NEIL3: variants seen among roughly 807,000 people sequenced by gnomAD.
The protein encoded by NEIL3 is endonuclease 8-like 3.
A neutral mutation model predicts 57.5 loss-of-function variants in NEIL3; 48 were observed. The observed-to-expected ratio is 0.83, with a 90% CI of 0.66 to 1.06. NEIL3 has a LOEUF of 1.06. Among genes scored for constraint, NEIL3 ranks in the 50% least tolerant of loss-of-function variants. NEIL3 has a pLI of 0.00. For synonymous variants in NEIL3, 261 were observed against 253.2 expected, an observed-to-expected ratio of 1.03 and a Z score of -0.29; for missense variants, 717 against 739.1, an observed-to-expected ratio of 0.97 and a Z score of 0.35.
intron 2 of NEIL3, among the ~76,000 whole-genome samples, chr4:177,330,021 C>T (rs542666811): frequency 1.8e-4 from 28 of 152,172 alleles, no homozygotes; most frequent in Non-Finnish European, 3.4e-4. Flanking sequence ...AAGTGATTCT[C>T]CTGCCTCAGC....
chr4:177,360,312 G>A (rs1365090512), intron 8 of NEIL3, among the ~76,000 whole-genome samples, 191 bp from the exon 9 acceptor site: 3 of 152,170 alleles, frequency 2.0e-5, no homozygotes, highest in Non-Finnish European at 4.4e-5. Context: ...GGTAACTTTG[G>A]AAATAAATTA....
chr4:177,370,961 C>T, the NEIL3 span, among the ~76,000 whole-genome samples: 4 of 151,678 alleles, frequency 2.6e-5, no homozygotes, highest in Non-Finnish European at 4.4e-5. Flanking sequence ...CCTCTGACTG[C>T]GAATAGAAAG....
At chr4:177,310,847 A>G (rs1734462685) in intron 1 of NEIL3, among the ~76,000 whole-genome samples, 1 of 152,218 alleles carries the variant, frequency 6.6e-6, no homozygotes, top group Non-Finnish European at 1.5e-5. Flanking sequence ...GCAATATTGC[A>G]CTGTATTTCA....
At position 177,336,147 on chromosome 4, in the gene NEIL3, A is replaced by T; in HGVS notation, c.453A>T (p.Lys151Asn). The T allele has an allele frequency of 6.2e-7, 1 of 1,613,780 alleles. No individual in the cohort carries two copies. The highest frequency in any genetic ancestry group is 2.2e-5 in the East Asian group (1 of 44,868). ...MESQQRIRMM[K>N]ELDVCSPEFS... is the part of the protein sequence containing the mutation. Reference sequence around the variant, plus strand: ...GCCAACAGAGAATAAGAATGATGAAAGAATTAGATGTATGTTCACCTGAAT... The same window carrying T: ...GCCAACAGAGAATAAGAATGATGAATGAATTAGATGTATGTTCACCTGAAT... Residue 151 changes from lysine to asparagine, a missense_variant, in exon 4 of 10, where the codon AAA becomes AAT. Coordinates refer to ENST00000264596, the MANE Select transcript of NEIL3 (RefSeq NM_018248.3).
intron 8 of NEIL3, among the ~76,000 whole-genome samples, chr4:177,355,449 T>C (rs2110935675): frequency 6.6e-6 from 1 of 152,330 alleles, no homozygotes; most frequent in South Asian, 2.1e-4. Flanking sequence ...CTGAATTCAA[T>C]ATAAAGGCTG....
chr4:177,342,419 A>G lies in NEIL3; in HGVS notation c.869+777A>G, dbSNP rs146013330. ...TGTGATTATAAGATTATGTAGTATA[A>G]AGCAGCTGCATAGCAGTATATGTGA... On this transcript the variant is annotated intron_variant, in intron 6 of 9. Coordinates refer to ENST00000264596, the MANE Select transcript of NEIL3 (RefSeq NM_018248.3). Among the ~76,000 whole-genome samples the G allele has an allele frequency of 2.4e-3, 363 of 152,344 alleles. 7 individuals carry two copies. In the South Asian group the frequency reaches 0.036, roughly 15 times the overall value.
intron 6 of NEIL3, among the ~76,000 whole-genome samples, chr4:177,348,599 G>C (rs1484007743): frequency 1.3e-5 from 2 of 152,086 alleles, no homozygotes; most frequent in Non-Finnish European, 2.9e-5. Context: ...ATGTGGTCGA[G>C]TTATGGCTCC....
intron 1 of NEIL3, among the ~76,000 whole-genome samples, chr4:177,316,857 T>C (rs550210726): frequency 6.6e-6 from 1 of 152,312 alleles, no homozygotes; most frequent in South Asian, 2.1e-4. Context: ...ATTTGGCAGG[T>C]AGAAAGCCTC....
chr4:177,314,585 G>T (rs775544113), intron 1 of NEIL3, among the ~76,000 whole-genome samples: 2 of 152,116 alleles, frequency 1.3e-5, no homozygotes, highest in Non-Finnish European at 1.5e-5. Context: ...TTTATGAAGG[G>T]TTTGTAATCA....
chr4:177,336,127 C>G lies in NEIL3; in HGVS notation c.433C>G (p.Gln145Glu). 7 of 1,611,562 alleles carry G rather than the reference C, an allele frequency of 4.3e-6. No homozygotes were observed. Among genetic ancestry groups the G allele is most frequent in the Non-Finnish European group, 5.9e-6 (7 of 1,177,736 alleles). ...VELRNSMESQQRIRMMKELDV... is the reference protein window; with the variant it reads ...VELRNSMESQERIRMMKELDV... Reference sequence around the variant, plus strand: ...CTATAGAAACTCAATGGAAAGCCAACAGAGAATAAGAATGATGAAAGAATT... The same window carrying G: ...CTATAGAAACTCAATGGAAAGCCAAGAGAGAATAAGAATGATGAAAGAATT... Residue 145 changes from glutamine to glutamate, a missense_variant, in exon 4 of 10, where the codon CAG becomes GAG. Physicochemically the swap from Gln to Glu is conservative, Grantham distance 29. Coordinates refer to ENST00000264596, the MANE Select transcript of NEIL3 (RefSeq NM_018248.3).
At chr4:177,316,346 A>G (rs1032365114) in intron 1 of NEIL3, among the ~76,000 whole-genome samples, 2 of 152,136 alleles carry the variant, frequency 1.3e-5, no homozygotes, top group African/African-American at 4.8e-5. Context: ...AACACAGAGG[A>G]ACTCCTCCCT....
chr4:177,320,462 CTGT>C (rs201243005), intron 1 of NEIL3, among the ~76,000 whole-genome samples: 1,160 of 110,700 alleles, frequency 0.01, 18 homozygotes, highest in African/African-American at 0.037. Flanking sequence ...GAAGTGACTG[CTGT>C]CTTTTTTTTT....
intron 8 of NEIL3, chr4:177,354,191 TATA>T (rs1735425379): frequency 6.5e-6 from 1 of 152,912 alleles, no homozygotes; most frequent in Admixed American, 6.5e-5. Context: ...TTCTCTAGAT[TATA>T]ATGTTAGAGA....
chr4:177,341,342 A>G (rs1735086712), intron 5 of NEIL3, 134 bp from the exon 6 acceptor site: 2 of 575,060 alleles, frequency 3.5e-6, no homozygotes. Flanking sequence ...AGAAAAGATT[A>G]TATTGACATA....
intron 4 of NEIL3, among the ~76,000 whole-genome samples, chr4:177,338,026 A>T (rs796204618): frequency 1.8e-4 from 24 of 135,684 alleles, no homozygotes; most frequent in African/African-American, 2.7e-4. Flanking sequence ...TCTCTCTCTC[A>T]CACACACACA....
intron 6 of NEIL3, among the ~76,000 whole-genome samples, chr4:177,349,561 TC>T (rs1037547153): frequency 6.6e-6 from 1 of 152,132 alleles, no homozygotes; most frequent in African/African-American, 2.4e-5. Context: ...AAATAATCTC[TC>T]TACGCCAAGA....
intron 6 of NEIL3, among the ~76,000 whole-genome samples, chr4:177,350,724 G>T (rs1735331623): frequency 6.6e-6 from 1 of 151,490 alleles, no homozygotes; most frequent in East Asian, 2.0e-4. Context: ...TTGAATAAAG[G>T]TATTTTCATT....
At position 177,353,296 on chromosome 4, in the gene NEIL3, C is replaced by G. The variant is rs1172400684; in HGVS notation, c.1040-12C>G. ...ATGGGACTATTGCAGAATTACTTCTCTCTCCTTCCAGATTCAGTGCTCAAG... is the reference window on the plus strand; with the variant it reads ...ATGGGACTATTGCAGAATTACTTCTGTCTCCTTCCAGATTCAGTGCTCAAG... On this transcript the variant is annotated splice_polypyrimidine_tract_variant and intron_variant, in intron 7 of 9. Coordinates refer to ENST00000264596, the MANE Select transcript of NEIL3 (RefSeq NM_018248.3). 2.5e-6 allele frequency: 4 copies of G among 1,597,084 alleles called. No homozygotes were observed. The highest frequency in any genetic ancestry group is 2.3e-5 in the South Asian group (2 of 87,756).
At chr4:177,353,831 T>A (rs982215936) in intron 8 of NEIL3, 103 bp downstream of exon 8, 4 of 1,014,476 alleles carry the variant, frequency 3.9e-6, no homozygotes, top group Non-Finnish European at 5.9e-6. Flanking sequence ...AGTGGTGTGA[T>A]CTCAGCTCAC....
Sources: allele counts gnomAD v4.1 joint callset (sites outside exome capture counted in the v4.1 genomes callset), GRCh38; gene constraint gnomAD v4.1.1; transcripts MANE v1.5; gene names NCBI Gene and HGNC (gene_info 2026-07-23, HGNC 2026-07-21).